The following TTC34 variants were observed in gnomAD, a reference collection of about 807,000 sequenced individuals.
TTC34 encodes the protein tetratricopeptide repeat protein 34.
In TTC34, 44 loss-of-function variants were observed where a neutral mutation model predicts 40.7. The ratio of observed to expected loss-of-function variants is 1.08; its 90% confidence interval spans 0.85 to 1.39. The LOEUF (loss-of-function observed/expected upper bound fraction) is 1.39. Among genes scored for constraint, TTC34 ranks in the 40% most tolerant of loss-of-function variants. The pLI, the probability that TTC34 is intolerant of heterozygous loss-of-function variation, is 0.00. For synonymous variants in TTC34, 422 were observed against 398.6 expected (o/e 1.06, Z -0.70); for missense variants, 884 against 838.0 (o/e 1.05, Z -0.68).
At chr1:2,773,458 A>C (rs868815930) in intron 6 of TTC34, 270 of 4,292 alleles carry the variant, frequency 0.063, no homozygotes, top group South Asian at 0.09. Flanking sequence ...GCGCCCACAC[A>C]CCGAGGTGAG....
At chr1:2,798,915 AAGCCTCGCAGCCCCCC>A (rs1643742281) in intron 2 of TTC34, among the ~76,000 whole-genome samples, 1 of 12,006 alleles carries the variant, frequency 8.3e-5, no homozygotes, top group Admixed American at 6.2e-4. Context: ...CTCAGCCTCC[AAGCCTCGCAGCCCCCC>A]AGCCTCCCAG....
At chr1:2,662,421 C>T (rs1639578930) in intron 6 of TTC34, among the ~76,000 whole-genome samples, 2 of 101,374 alleles carry the variant, frequency 2.0e-5, no homozygotes, top group African/African-American at 6.0e-5. Context: ...ATCAGAGAGT[C>T]TGGAGCAGCG....
At chr1:2,761,348 G>A (rs1641679111) in intron 6 of TTC34, among the ~76,000 whole-genome samples, 3 of 75,440 alleles carry the variant, frequency 4.0e-5, no homozygotes, top group African/African-American at 1.0e-4. Flanking sequence ...CTGACAGCCT[G>A]GAGCAGCACC....
At chr1:2,637,369 G>C (rs1203074384) in exon 9 of TTC34, 1 of 152,160 alleles carries the variant, frequency 6.6e-6, no homozygotes, top group South Asian at 2.1e-4. Context: ...TCGGAGGTGG[G>C]GTTTCACTGG....
chr1:2,750,595 GC>G (rs1641285528), intron 6 of TTC34, among the ~76,000 whole-genome samples: 3 of 129,132 alleles, frequency 2.3e-5, no homozygotes, highest in Non-Finnish European at 4.7e-5. Context: ...TCGTGGAGCA[GC>G]ACCCCACACC....
In TTC34 at chr1:2,683,630, C is replaced by T. The variant is rs569665246; in HGVS notation, c.2227-38067G>A. ...ATCTGACATCCTTCAGCAGCACCCACACCCCCAGGTGAGCATCTGACAGCC... is the reference window on the plus strand; with the variant it reads ...ATCTGACATCCTTCAGCAGCACCCATACCCCCAGGTGAGCATCTGACAGCC... On this transcript the variant is annotated intron_variant, in intron 6 of 8. Transcript: ENST00000401095. 2.4e-3 allele frequency among the ~76,000 whole-genome samples: 356 copies of T among 148,668 alleles called. 2 individuals are homozygous for T. The highest frequency in any genetic ancestry group is 8.6e-3 in the African/African-American group (331 of 38,572).
chr1:2,651,387 A>G (rs372155315), intron 6 of TTC34, among the ~76,000 whole-genome samples: 3 of 152,130 alleles, frequency 2.0e-5, no homozygotes, highest in African/African-American at 7.2e-5. Context: ...CTGGAGCAGC[A>G]TTCTCCAGCC....
intron 6 of TTC34, among the ~76,000 whole-genome samples, chr1:2,696,868 G>A (rs1291192367): frequency 1.8e-4 from 7 of 39,714 alleles, no homozygotes; most frequent in Non-Finnish European, 2.4e-4. Context: ...ACAGCCTGGA[G>A]CAGCACCCAC....
chr1:2,641,934 T>C (rs934403909), intron 8 of TTC34, 39 bp from the exon 9 acceptor site: 8 of 1,437,036 alleles, frequency 5.6e-6, no homozygotes, highest in Non-Finnish European at 6.4e-6. Flanking sequence ...GAGAGTGGGG[T>C]CAGCCCCAAA....
At chr1:2,751,438 A>C (rs1363196486) in intron 6 of TTC34, among the ~76,000 whole-genome samples, 20 of 78,942 alleles carry the variant, frequency 2.5e-4, no homozygotes, top group East Asian at 9.8e-4. Context: ...CCTGGAACAG[A>C]GCCCAGACCC....
chr1:2,683,707 C>A (rs1157083706), intron 6 of TTC34, among the ~76,000 whole-genome samples: 3 of 151,120 alleles, frequency 2.0e-5, no homozygotes, highest in East Asian at 3.9e-4. Context: ...TGGAACAGCA[C>A]CCACACCCCC....
At chr1:2,786,857 C>A (rs990579665) in intron 4 of TTC34, among the ~76,000 whole-genome samples, 1 of 152,176 alleles carries the variant, frequency 6.6e-6, no homozygotes, top group Non-Finnish European at 1.5e-5. Context: ...CAAGAGGATG[C>A]AGGTTCAGGG....
At chr1:2,772,898 C>A (rs550330451) in intron 6 of TTC34, among the ~76,000 whole-genome samples, 10 of 128,324 alleles carry the variant, frequency 7.8e-5, no homozygotes, top group African/African-American at 2.7e-4. Flanking sequence ...AACCCCACAC[C>A]CCCAGGTGAG....
chr1:2,648,334 G>T (rs1639060193), intron 6 of TTC34, among the ~76,000 whole-genome samples: 1 of 152,168 alleles, frequency 6.6e-6, no homozygotes, highest in Non-Finnish European at 1.5e-5. Flanking sequence ...TTTTGGCCCT[G>T]CCAGGCTTTA....
At chr1:2,677,444 CCACGCCCCCAGGCGAGCA>C (rs1639946722) in intron 6 of TTC34, among the ~76,000 whole-genome samples, 3 of 99,894 alleles carry the variant, frequency 3.0e-5, no homozygotes, top group African/African-American at 1.0e-4. Context: ...GGAGCAGCAC[CCACGCCCCCAGGCGAGCA>C]TCTGAACACA....
At chr1:2,683,728 C>G (rs1253946516) in intron 6 of TTC34, among the ~76,000 whole-genome samples, 11 of 144,948 alleles carry the variant, frequency 7.6e-5, no homozygotes, top group African/African-American at 3.0e-4. Context: ...AGGTGAGCAG[C>G]TGATATCCTG....
At position 2,796,139 on chromosome 1, in the gene TTC34, G is replaced by A. The variant is rs1260887680; in HGVS notation, c.784+3905C>T. On this transcript the variant is annotated intron_variant, in intron 2 of 8. Transcript: ENST00000401095. This position sits in a 1 kb window ranked among gnomAD's most constrained non-coding sequence, Gnocchi z 4.5. ...TCTTGGAATCCGAATCCCCAAGCCT[G>A]TTGGGGCCTTGGTTTTGGGCTTCCA... Among the ~76,000 whole-genome samples the A allele has an allele frequency of 6.6e-6, 1 of 152,176 alleles. No homozygotes were observed. The highest frequency in any genetic ancestry group is 1.5e-5 in the Non-Finnish European group (1 of 68,040).
exon 9 of TTC34, chr1:2,641,361 G>C: frequency 3.3e-6 from 5 of 1,496,858 alleles, no homozygotes; most frequent in Non-Finnish European, 3.6e-6. Flanking sequence ...GAGAGGGTCA[G>C]GCCCAGTCAC....
At chr1:2,687,032 C>A (rs1182895332) in intron 6 of TTC34, among the ~76,000 whole-genome samples, 228 of 125,972 alleles carry the variant, frequency 1.8e-3, no homozygotes, top group Admixed American at 4.4e-3. Context: ...CAGCCTGGAG[C>A]AGCACCCACA....
Sources: allele counts gnomAD v4.1 joint callset (sites outside exome capture counted in the v4.1 genomes callset), GRCh38; gene constraint gnomAD v4.1.1; non-coding constraint Gnocchi (gnomAD v3.1); transcripts MANE v1.5; gene names NCBI Gene and HGNC (gene_info 2026-07-23, HGNC 2026-07-21).